Variants in ANGPT1 observed in about 807,000 individuals in gnomAD.
ANGPT1 encodes the protein angiopoietin 1.
A neutral mutation model predicts 62.2 loss-of-function variants in ANGPT1; 17 were observed. The observed-to-expected ratio is 0.27, with a 90% confidence interval of 0.19 to 0.41. The LOEUF is 0.41. ANGPT1 is among the 10% of genes least tolerant of loss of function. The pLI, the probability that ANGPT1 is intolerant of heterozygous loss-of-function variation, is 1.00. For missense variants in ANGPT1, 478 were observed against 594.9 expected, an observed-to-expected ratio of 0.80 and a Z score of 2.04; for synonymous variants, 199 against 198.9, an observed-to-expected ratio of 1.00 and a Z score of 0.00.
At chr8:107,426,801 T>C (rs62513235) in intron 1 of ANGPT1, among the ~76,000 whole-genome samples, 10,345 of 152,206 alleles carry the variant, frequency 0.068, 474 homozygotes, top group African/African-American at 0.12. Flanking sequence ...CAAATGATGT[T>C]TTACAGCAAG....
chr8:107,296,127 T>A (rs989170430), intron 5 of ANGPT1, among the ~76,000 whole-genome samples: 9 of 152,094 alleles, frequency 5.9e-5, no homozygotes, highest in Non-Finnish European at 1.0e-4. Context: ...GTTAATAGCA[T>A]GAAGACAAAT....
At chr8:107,470,045 T>C (rs1218904883) in intron 1 of ANGPT1, among the ~76,000 whole-genome samples, 1 of 152,082 alleles carries the variant, frequency 6.6e-6, no homozygotes, top group Non-Finnish European at 1.5e-5. Context: ...TGTAAAATGT[T>C]CCTTATAACT....
intron 1 of ANGPT1, among the ~76,000 whole-genome samples, chr8:107,428,156 G>A (rs1811085871): frequency 6.6e-6 from 1 of 152,170 alleles, no homozygotes; most frequent in African/African-American, 2.4e-5. Context: ...TAAGGAGAAA[G>A]AATGTTTCTT....
intron 1 of ANGPT1, among the ~76,000 whole-genome samples, chr8:107,361,393 C>CAT (rs1299855947): frequency 8.1e-5 from 12 of 148,870 alleles, no homozygotes; most frequent in Non-Finnish European, 1.2e-4. Context: ...AGAAAATTTG[C>CAT]AGATATATAT....
In ANGPT1 at chr8:107,441,745, C is replaced by G. The variant is rs141665784; in HGVS notation, c.297+55517G>C. 6.1e-3 allele frequency among the ~76,000 whole-genome samples: 930 copies of G among 152,184 alleles called. 8 individuals carry two copies. The highest frequency in any genetic ancestry group is 0.048 in the Middle Eastern group (14 of 294). On this transcript the variant is annotated intron_variant, in intron 1 of 8. Transcript: ENST00000517746. Reference sequence around the variant, plus strand: ...ACGTGGTTCAGGGCCTGGTGTGGCTCTTATCTAACCCACACCCCTAATAGA... The same window carrying G: ...ACGTGGTTCAGGGCCTGGTGTGGCTGTTATCTAACCCACACCCCTAATAGA...
intron 1 of ANGPT1, among the ~76,000 whole-genome samples, chr8:107,423,119 A>T (rs914858376): frequency 6.6e-6 from 1 of 152,198 alleles, no homozygotes; most frequent in Non-Finnish European, 1.5e-5. Context: ...CTCTGCATTC[A>T]CTAAAATCAA....
chr8:107,446,505 A>T (rs565409571), intron 1 of ANGPT1, among the ~76,000 whole-genome samples: 1 of 152,310 alleles, frequency 6.6e-6, no homozygotes, highest in East Asian at 1.9e-4. Flanking sequence ...AATTGAACAG[A>T]ATAGTTGACA....
In ANGPT1 at chr8:107,413,543, A is replaced by C. The variant is rs563436016; in HGVS notation, c.298-66446T>G. ...AGATTTAGTGAACTATTACATATTA[A>C]ATATTACATTAAATTAAAATAATAA... On this transcript the variant is annotated intron_variant, in intron 1 of 8. Transcript: ENST00000517746. 4.9e-3 allele frequency among the ~76,000 whole-genome samples: 742 copies of C among 151,330 alleles called. 12 individuals are homozygous for C. Among genetic ancestry groups the C allele is most frequent in the African/African-American group, 0.017 (715 of 41,396 alleles).
intron 1 of ANGPT1, among the ~76,000 whole-genome samples, chr8:107,452,440 A>G (rs1439671545): frequency 1.3e-5 from 2 of 151,770 alleles, no homozygotes; most frequent in Non-Finnish European, 2.9e-5. Context: ...TTAGGTAAAA[A>G]TTATTTACCA....
intron 1 of ANGPT1, among the ~76,000 whole-genome samples, chr8:107,389,133 T>C (rs954348304): frequency 2.0e-5 from 3 of 152,170 alleles, no homozygotes; most frequent in Non-Finnish European, 4.4e-5. Context: ...TGTAGTGATA[T>C]GAAAATAAAA....
At chr8:107,277,942 G>C (rs1322006059) in intron 7 of ANGPT1, among the ~76,000 whole-genome samples, 3 of 152,098 alleles carry the variant, frequency 2.0e-5, no homozygotes, top group Non-Finnish European at 4.4e-5. Context: ...CTATCAACCA[G>C]CCAAGGACAT....
intron 4 of ANGPT1, among the ~76,000 whole-genome samples, chr8:107,313,057 A>G (rs548733238): frequency 1.3e-5 from 2 of 152,292 alleles, no homozygotes; most frequent in East Asian, 3.9e-4. Context: ...TTAAAATTAT[A>G]CCCAAAGTTC....
chr8:107,380,595 T>G (rs184257804), intron 1 of ANGPT1, among the ~76,000 whole-genome samples: 136 of 152,246 alleles, frequency 8.9e-4, no homozygotes, highest in African/African-American at 3.0e-3. Flanking sequence ...GAGTTCACCA[T>G]CTATGAACTG....
chr8:107,451,058 C>T (rs554154682), intron 1 of ANGPT1, among the ~76,000 whole-genome samples: 1 of 151,816 alleles, frequency 6.6e-6, no homozygotes, highest in African/African-American at 2.4e-5. Context: ...ACATAATCTC[C>T]CTCCCCACTT....
intron 1 of ANGPT1, among the ~76,000 whole-genome samples, chr8:107,381,221 G>A (rs1349519654): frequency 2.0e-5 from 3 of 152,128 alleles, no homozygotes; most frequent in Non-Finnish European, 4.4e-5. Flanking sequence ...ACTTAATTTG[G>A]TAGTTGTGGA....
In ANGPT1 at chr8:107,497,448, T is replaced by C; in HGVS notation, c.111A>G (p.Gln37=). 1 of 1,614,186 alleles carries C rather than the reference T, an allele frequency of 6.2e-7. No homozygotes were observed. The highest frequency in any genetic ancestry group is 8.5e-7 in the Non-Finnish European group (1 of 1,180,030). Residue 37 remains glutamine (Q), a synonymous_variant, in exon 1 of 9, where the codon CAA becomes CAG. Coordinates refer to ENST00000517746, the MANE Select transcript of ANGPT1 (RefSeq NM_001146.5). ...TGAAAGTGTAGGCACATTGCCCATG[T>C]TGAATCCGGTTATATCTTCTCCCAC... ...ENSGRRYNRI[Q]HGQCAYTFIL...
chr8:107,376,568 T>C (rs1197718118), intron 1 of ANGPT1, among the ~76,000 whole-genome samples: 1 of 152,144 alleles, frequency 6.6e-6, no homozygotes, highest in Non-Finnish European at 1.5e-5. Flanking sequence ...TCTGTTTGTT[T>C]GGTTGGTTGG....
Position 107,302,200 on chromosome 8 carries a change from G to T in ANGPT1, c.936+1040C>A, listed in dbSNP as rs997017449. On this transcript the variant is annotated intron_variant, in intron 5 of 8. Transcript: ENST00000517746. ...TCTGGTAGTGAGAAAGTCATGTAAA[G>T]TTGCCTGAGGGAATCAGAGAAGATT... Among the ~76,000 whole-genome samples the T allele has an allele frequency of 2.0e-5, 3 of 151,908 alleles. No individual in the cohort carries two copies. In the East Asian group the frequency reaches 5.8e-4, roughly 29 times the overall value.
At chr8:107,456,517 A>G (rs1466626817) in intron 1 of ANGPT1, among the ~76,000 whole-genome samples, 1 of 152,110 alleles carries the variant, frequency 6.6e-6, no homozygotes, top group Non-Finnish European at 1.5e-5. Flanking sequence ...ATCTGAACTC[A>G]AACTAGCTCA....
Sources: gnomAD v4.1 joint callset for allele counts (sites outside exome capture counted in the v4.1 genomes callset) on GRCh38, gnomAD v4.1.1 for gene constraint, MANE v1.5 for transcripts, NCBI Gene and HGNC (gene_info 2026-07-23, HGNC 2026-07-21) for gene names.